Variants in KCNK5 observed in about 807,000 individuals in gnomAD.
The protein encoded by KCNK5 is potassium two pore domain channel subfamily K member 5, also known as potassium channel subfamily K member 5.
A neutral mutation model predicts 32.9 loss-of-function variants in KCNK5; 18 were observed. The observed-to-expected ratio is 0.55, with a 90% CI of 0.38 to 0.81. The LOEUF (loss-of-function observed/expected upper bound fraction) is 0.81. Ranked by LOEUF, KCNK5 falls within the 30% of genes least tolerant of loss-of-function variation. KCNK5 has a pLI of 0.00. For synonymous variants in KCNK5, 276 were observed against 275.3 expected (o/e 1.00, Z -0.03); for missense variants, 507 against 651.0 (o/e 0.78, Z 2.41).
chr6:39,199,368 G>A (rs1771088357), intron 1 of KCNK5, among the ~76,000 whole-genome samples: 2 of 152,236 alleles, frequency 1.3e-5, no homozygotes, highest in South Asian at 4.1e-4. Context: ...TCACCCCACT[G>A]ATGGTGTGCC....
At chr6:39,195,826 G>C in intron 2 of KCNK5, 50 bp downstream of exon 2, 6 of 1,395,854 alleles carry the variant, frequency 4.3e-6, no homozygotes, top group Non-Finnish European at 6.1e-6. Flanking sequence ...GAAAGGTTCT[G>C]AGGAGCTAGG....
At chr6:39,198,880 A>G (rs1186442146) in intron 1 of KCNK5, among the ~76,000 whole-genome samples, 1 of 152,312 alleles carries the variant, frequency 6.6e-6, no homozygotes, top group Non-Finnish European at 1.5e-5. Flanking sequence ...AATTTCTGAT[A>G]ATGCAAAGTA....
chr6:39,191,267 C>T lies in KCNK5; in HGVS notation c.1123G>A (p.Glu375Lys), dbSNP rs1770925485. 3.7e-6 allele frequency: 6 copies of T among 1,614,116 alleles called. No homozygotes were observed. Among genetic ancestry groups the T allele is most frequent in the African/African-American group, 2.7e-5 (2 of 75,064 alleles). Residue 375 changes from glutamate to lysine, a missense_variant, in exon 5 of 5, where the codon GAG becomes AAG. By Grantham distance (56) the Glu-to-Lys change is moderately conservative. Transcript: ENST00000359534. This position sits in a 1 kb window ranked among gnomAD's most constrained non-coding sequence, Gnocchi z 5.8. ...TCTTCAGGGGCCCGTGCCACAGCCT[C>T]CTCATCTGGGGACCTTGATACGTGG... ...KGHVSRSPDE[E>K]AVARAPEDSS...
At chr6:39,219,503 A>C (rs2113796932) in intron 1 of KCNK5, among the ~76,000 whole-genome samples, 1 of 152,118 alleles carries the variant, frequency 6.6e-6, no homozygotes, top group South Asian at 2.1e-4. Flanking sequence ...ACCAGGTTCC[A>C]CTCCAGCCTG....
intron 1 of KCNK5, among the ~76,000 whole-genome samples, chr6:39,214,025 CA>C (rs533503398): frequency 3.1e-4 from 44 of 142,968 alleles, no homozygotes; most frequent in South Asian, 6.7e-4. Flanking sequence ...GACTCTGTCT[CA>C]AAAAAAAAAA....
chr6:39,191,158 T>A lies in KCNK5; in HGVS notation c.1232A>T (p.His411Leu). The A allele has an allele frequency of 1.2e-6, 2 of 1,614,132 alleles. No individual in the cohort carries two copies. The highest frequency in any genetic ancestry group is 1.7e-6 in the Non-Finnish European group (2 of 1,180,028). ...GCTGGCGTCCTGGAAGATGAGTGGG[T>A]GGTAGTCCTGGGCGTCCCATGGCTC... Reference protein sequence around the residue: ...ECEPWDAQDYHPLIFQDASIT... With the variant: ...ECEPWDAQDYLPLIFQDASIT... Residue 411 changes from histidine to leucine, a missense_variant, in exon 5 of 5, where the codon CAC becomes CTC. Coordinates refer to ENST00000359534, the MANE Select transcript of KCNK5 (RefSeq NM_003740.4). The surrounding 1 kb of genome is among the most constrained non-coding windows in gnomAD (Gnocchi z 5.8).
chr6:39,205,330 C>T (rs956557732), intron 1 of KCNK5, among the ~76,000 whole-genome samples: 1 of 152,152 alleles, frequency 6.6e-6, no homozygotes, highest in African/African-American at 2.4e-5. Flanking sequence ...AAAGAGCCCC[C>T]TCCCTCTCAA....
intron 1 of KCNK5, among the ~76,000 whole-genome samples, chr6:39,199,073 T>C (rs1771082002): frequency 6.6e-6 from 1 of 152,186 alleles, no homozygotes. Flanking sequence ...ACGGAATCCC[T>C]GCCCTCCTCT....
At chr6:39,214,413 T>TG (rs1771393938) in intron 1 of KCNK5, among the ~76,000 whole-genome samples, 1 of 152,134 alleles carries the variant, frequency 6.6e-6, no homozygotes, top group Non-Finnish European at 1.5e-5. Context: ...GGGGAGAATC[T>TG]GGCCCGGCAG....
chr6:39,201,271 G>C (rs1254613471), intron 1 of KCNK5, among the ~76,000 whole-genome samples: 1 of 141,018 alleles, frequency 7.1e-6, no homozygotes, highest in African/African-American at 2.7e-5. Context: ...TTTTTTTTGC[G>C]ATGAGAGTCT....
At chr6:39,213,515 G>A (rs2113792737) in intron 1 of KCNK5, among the ~76,000 whole-genome samples, 1 of 152,326 alleles carries the variant, frequency 6.6e-6, no homozygotes, top group Middle Eastern at 3.4e-3. Flanking sequence ...AACACCAAAT[G>A]GAAGCACCAG....
chr6:39,226,512 A>G (rs1350683537), intron 1 of KCNK5, among the ~76,000 whole-genome samples: 1 of 152,164 alleles, frequency 6.6e-6, no homozygotes, highest in Non-Finnish European at 1.5e-5. Context: ...CATCTCTTCC[A>G]ACAATCTTTG....
chr6:39,228,147 C>T (rs1031783527), intron 1 of KCNK5, among the ~76,000 whole-genome samples: 13 of 152,166 alleles, frequency 8.5e-5, no homozygotes, highest in African/African-American at 2.7e-4. Context: ...TAAGCGGTTC[C>T]CAATGTCAGC....
At chr6:39,221,044 G>A (rs1276660136) in intron 1 of KCNK5, among the ~76,000 whole-genome samples, 2 of 150,572 alleles carry the variant, frequency 1.3e-5, no homozygotes, top group South Asian at 4.3e-4. Flanking sequence ...CACCTTCAAG[G>A]TAGCCTCACA....
intron 1 of KCNK5, among the ~76,000 whole-genome samples, chr6:39,225,660 T>C (rs1263683052): frequency 6.6e-6 from 1 of 152,220 alleles, no homozygotes; most frequent in African/African-American, 2.4e-5. Flanking sequence ...CTGTATGCCA[T>C]TACCTGTGCT....
At position 39,228,830 on chromosome 6, in the gene KCNK5, G is replaced by C; in HGVS notation, c.186+96C>G. The C allele has an allele frequency of 2.4e-6, 3 of 1,245,222 alleles. No homozygotes were observed. The East Asian group carries it at 7.0e-5, about 29-fold the overall frequency. The allele number at this position is 1,245,222 out of a possible 1,614,324, so 77.1% of individuals were successfully genotyped here. ...ACCCCCTGGACCTTCCACAGGGACT[G>C]AGGGTCACCCAAAGCTGTGAAGGGG... On this transcript the variant is annotated intron_variant, in intron 1 of 4. Coordinates refer to ENST00000359534, the MANE Select transcript of KCNK5 (RefSeq NM_003740.4).
At chr6:39,225,706 G>A (rs1225426078) in intron 1 of KCNK5, among the ~76,000 whole-genome samples, 1 of 152,216 alleles carries the variant, frequency 6.6e-6, no homozygotes, top group East Asian at 1.9e-4. Flanking sequence ...CAGCAGATCA[G>A]GGTCCAGCTG....
At chr6:39,212,675 C>T (rs549536018) in intron 1 of KCNK5, among the ~76,000 whole-genome samples, 3 of 152,326 alleles carry the variant, frequency 2.0e-5, no homozygotes, top group Admixed American at 6.5e-5. Context: ...CCAGACCACA[C>T]CCCCACCACC....
At chr6:39,223,929 T>G (rs1380108524) in intron 1 of KCNK5, among the ~76,000 whole-genome samples, 1 of 152,188 alleles carries the variant, frequency 6.6e-6, no homozygotes, top group African/African-American at 2.4e-5. Flanking sequence ...CTGGAAACTT[T>G]CAACACTTGC....
Sources: gnomAD v4.1 joint callset for allele counts (sites outside exome capture counted in the v4.1 genomes callset) on GRCh38, gnomAD v4.1.1 for gene constraint, Gnocchi (gnomAD v3.1) non-coding constraint, MANE v1.5 for transcripts, NCBI Gene and HGNC (gene_info 2026-07-23, HGNC 2026-07-21) for gene names.